The following PSPC1 variants were observed in gnomAD, a reference collection of about 807,000 sequenced individuals.
PSPC1 encodes the protein paraspeckle protein 1.
A neutral mutation model predicts 51.6 loss-of-function variants in PSPC1; 14 were observed. The observed-to-expected ratio is 0.27, with a 90% CI of 0.18 to 0.42. The LOEUF is 0.42. Among genes scored for constraint, PSPC1 ranks in the 10% least tolerant of loss-of-function variants. PSPC1 has a pLI of 1.00. For missense variants in PSPC1, 406 were observed against 701.1 expected (o/e 0.58, Z 4.75); for synonymous variants, 193 against 231.9 (o/e 0.83, Z 1.53).
At chr13:19,769,581 C>A (rs1318433367) in intron 2 of PSPC1, among the ~76,000 whole-genome samples, 4 of 148,026 alleles carry the variant, frequency 2.7e-5, no homozygotes, top group Admixed American at 2.7e-4. Flanking sequence ...ACTAAAAACA[C>A]AAAATTAGCT....
rs916251437 is a variant in PSPC1 at position 19,775,692 on chromosome 13, T to C, written c.373-3149A>G. ...TAAACACCTAAAAAGAGATGGGTACTTTCTTACCTAATACATCATATAATC... is the reference window on the plus strand; with the variant it reads ...TAAACACCTAAAAAGAGATGGGTACCTTCTTACCTAATACATCATATAATC... On this transcript the variant is annotated intron_variant, in intron 1 of 8. Transcript: ENST00000338910. Among the ~76,000 whole-genome samples, 8 of 152,320 alleles carry C rather than the reference T, an allele frequency of 5.3e-5. 1 individual carries two copies. The highest frequency in any genetic ancestry group is 1.9e-4 in the African/African-American group (8 of 41,582).
At chr13:19,686,621 T>A (rs186188415) in intron 6 of PSPC1, among the ~76,000 whole-genome samples, 1 of 152,348 alleles carries the variant, frequency 6.6e-6, no homozygotes, top group African/African-American at 2.4e-5. Context: ...CATCACTTTG[T>A]ATCTTGATTT....
intron 3 of PSPC1, among the ~76,000 whole-genome samples, chr13:19,756,711 G>T (rs555045974): frequency 6.6e-6 from 1 of 151,866 alleles, no homozygotes; most frequent in South Asian, 2.1e-4. Flanking sequence ...ATGTTAGGCT[G>T]GTCTCAAACT....
chr13:19,757,341 C>A (rs898797799), intron 3 of PSPC1, among the ~76,000 whole-genome samples: 1 of 152,104 alleles, frequency 6.6e-6, no homozygotes. Flanking sequence ...AAAGACACCA[C>A]CCCTAGCCAT....
At chr13:19,732,728 A>C (rs1273043557) in intron 5 of PSPC1, among the ~76,000 whole-genome samples, 2 of 152,232 alleles carry the variant, frequency 1.3e-5, no homozygotes, top group South Asian at 4.1e-4. Context: ...GGAGTTCAAG[A>C]CTAGCCTGGG....
At chr13:19,740,878 C>CT (rs546583892) in intron 5 of PSPC1, among the ~76,000 whole-genome samples, 13,120 of 143,738 alleles carry the variant, frequency 0.091, 595 homozygotes, top group Middle Eastern at 0.14. Flanking sequence ...TTCCAGAAAT[C>CT]TTTTTTTTTT....
In PSPC1 at chr13:19,755,246, A is replaced by G. The variant is rs539373796; in HGVS notation, c.771-3779T>C. Among the ~76,000 whole-genome samples, 61 of 151,688 alleles carry G rather than the reference A, an allele frequency of 4.0e-4. 1 individual carries two copies. In the South Asian group the frequency reaches 0.012, roughly 30 times the overall value. ...GCCAGACCCTGTCTCAAAAAAAAAA[A>G]GAAAAGAAAAGAAAAGAAAGAGAAA... On this transcript the variant is annotated intron_variant, in intron 3 of 8. Transcript: ENST00000338910.
intron 6 of PSPC1, among the ~76,000 whole-genome samples, chr13:19,724,053 A>G (rs1883075313): frequency 6.6e-6 from 1 of 152,226 alleles, no homozygotes; most frequent in Non-Finnish European, 1.5e-5. Flanking sequence ...TAACTTAATG[A>G]AGAGGCCATA....
intron 5 of PSPC1, among the ~76,000 whole-genome samples, chr13:19,734,629 CTG>C (rs1884544524): frequency 6.6e-6 from 1 of 151,946 alleles, no homozygotes; most frequent in African/African-American, 2.4e-5. Flanking sequence ...TGGTGAAACC[CTG>C]TCTCTACTAC....
At chr13:19,738,192 A>G (rs1885049487) in intron 5 of PSPC1, among the ~76,000 whole-genome samples, 1 of 152,166 alleles carries the variant, frequency 6.6e-6, no homozygotes, top group Non-Finnish European at 1.5e-5. Flanking sequence ...GTCAATATTA[A>G]ACACCACAGA....
At chr13:19,732,884 G>A (rs1329105034) in intron 5 of PSPC1, among the ~76,000 whole-genome samples, 3 of 148,754 alleles carry the variant, frequency 2.0e-5, no homozygotes, top group South Asian at 4.2e-4. Flanking sequence ...CTGAGACTGC[G>A]CCACTGCACT....
At chr13:19,776,344 C>T (rs1209404363) in intron 1 of PSPC1, among the ~76,000 whole-genome samples, 2 of 151,920 alleles carry the variant, frequency 1.3e-5, no homozygotes, top group Non-Finnish European at 2.9e-5. Flanking sequence ...TGTGTGCCTG[C>T]GGTCCCAGCA....
chr13:19,779,562 G>C (rs1889654384), intron 1 of PSPC1, among the ~76,000 whole-genome samples: 1 of 26,772 alleles, frequency 3.7e-5, no homozygotes, highest in African/African-American at 1.1e-4. Context: ...AGGTGGGGGG[G>C]TCAGCCCTCC....
In PSPC1 at chr13:19,740,947, T is replaced by C. The variant is rs967209358; in HGVS notation, c.1052+618A>G. Among the ~76,000 whole-genome samples the C allele has an allele frequency of 2.0e-5, 3 of 151,998 alleles. No homozygotes were observed. In the South Asian group the frequency reaches 6.2e-4, roughly 32 times the overall value. On this transcript the variant is annotated intron_variant, in intron 5 of 8. Coordinates refer to ENST00000338910, the MANE Select transcript of PSPC1 (RefSeq NM_001354909.2). ...TGGAGTGCAGTGGCAAGATCTCAGA[T>C]CACTGCAACCTCCGCCTCCTGGATT...
At chr13:19,781,809 A>C (rs528087094) in intron 1 of PSPC1, among the ~76,000 whole-genome samples, 175 of 152,346 alleles carry the variant, frequency 1.1e-3, no homozygotes, top group African/African-American at 3.9e-3. Flanking sequence ...AAAAAGAAAT[A>C]AAGTGGTCTA....
At chr13:19,746,009 GTTTT>G (rs1193097882) in intron 4 of PSPC1, among the ~76,000 whole-genome samples, 1 of 104,098 alleles carries the variant, frequency 9.6e-6, no homozygotes. Flanking sequence ...TTTGTTTTTT[GTTTT>G]TTTTTTTTTT....
At chr13:19,681,127 A>G (rs1268257501) in intron 6 of PSPC1, among the ~76,000 whole-genome samples, 2 of 152,180 alleles carry the variant, frequency 1.3e-5, no homozygotes, top group African/African-American at 2.4e-5. Context: ...AGATGGGAGA[A>G]TCACTTGAGC....
intron 5 of PSPC1, 59 bp from the exon 6 acceptor site, chr13:19,730,403 T>C: frequency 7.0e-7 from 1 of 1,435,604 alleles, no homozygotes. Context: ...CATTGGACAT[T>C]TTACTTCATG....
Position 19,772,393 on chromosome 13 carries a change from CT to C in PSPC1, c.522del (p.Ala175HisfsTer8). 2 of 1,614,212 alleles carry C rather than the reference CT, an allele frequency of 1.2e-6. No homozygotes were observed. Among genetic ancestry groups the C allele is most frequent in the Non-Finnish European group, 1.7e-6 (2 of 1,180,052 alleles). ...SPVVSNELLE[Q>X]AFSQFGPVEK... ...TCTACTGGACCAAACTGAGAAAATG[CT>C]TGCTCTAGCAGCTCATTGGAAACAA... On this transcript the variant is annotated frameshift_variant, in exon 2 of 9. Transcript: ENST00000338910. LOFTEE classifies it high-confidence loss of function.
Sources: gnomAD v4.1 joint callset for allele counts (sites outside exome capture counted in the v4.1 genomes callset) on GRCh38, gnomAD v4.1.1 for gene constraint, MANE v1.5 for transcripts, NCBI Gene and HGNC (gene_info 2026-07-23, HGNC 2026-07-21) for gene names.